The following CACNA1C variants were observed in gnomAD, a reference collection of about 807,000 sequenced individuals.
CACNA1C encodes the protein calcium voltage-gated channel subunit alpha1 C, also known as voltage-dependent L-type calcium channel subunit alpha-1C.
A neutral mutation model predicts 229.0 loss-of-function variants in CACNA1C; 30 were observed. That is an observed-to-expected ratio of 0.13 (90% CI 0.10 to 0.18). The LOEUF is 0.18. CACNA1C is among the 10% of genes least tolerant of loss of function. The pLI, the probability that CACNA1C is intolerant of heterozygous loss-of-function variation, is 1.00. For synonymous variants in CACNA1C, 1,114 were observed against 1,132.5 expected (o/e 0.98, Z 0.33); for missense variants, 1,658 against 2,845.0 (o/e 0.58, Z 9.49).
chr12:2,264,246 CA>C (rs1349031026), intron 3 of CACNA1C, among the ~76,000 whole-genome samples: 6 of 152,212 alleles, frequency 3.9e-5, no homozygotes, highest in African/African-American at 1.2e-4. Context: ...GCAAGGGCTC[CA>C]GGGGGCTCTC....
At chr12:2,260,492 A>G (rs958029528) in intron 3 of CACNA1C, among the ~76,000 whole-genome samples, 6 of 151,518 alleles carry the variant, frequency 4.0e-5, no homozygotes, top group Non-Finnish European at 8.8e-5. Flanking sequence ...AAAAAAAAAA[A>G]AAAGAACAAG....
At chr12:2,180,740 A>C (rs1011826418) in intron 3 of CACNA1C, among the ~76,000 whole-genome samples, 11 of 152,178 alleles carry the variant, frequency 7.2e-5, no homozygotes, top group African/African-American at 2.7e-4. Flanking sequence ...CTGGGGACCT[A>C]GAGTGAGTTG....
At chr12:2,310,826 C>T (rs1452876922) in intron 3 of CACNA1C, among the ~76,000 whole-genome samples, 2 of 152,210 alleles carry the variant, frequency 1.3e-5, no homozygotes, top group African/African-American at 4.8e-5. Context: ...TGCCGCAAGA[C>T]CCCCTTCCTA....
intron 3 of CACNA1C, among the ~76,000 whole-genome samples, chr12:2,247,937 C>A (rs866384737): frequency 6.6e-6 from 1 of 152,150 alleles, no homozygotes; most frequent in African/African-American, 2.4e-5. Flanking sequence ...TGGCTGAGAA[C>A]CTTTGTAAGC....
intron 3 of CACNA1C, among the ~76,000 whole-genome samples, chr12:2,188,234 G>A (rs925703534): frequency 1.3e-5 from 2 of 152,028 alleles, no homozygotes; most frequent in African/African-American, 2.4e-5. Context: ...CATCTACCTC[G>A]CACATCAAAT....
intron 2 of CACNA1C, among the ~76,000 whole-genome samples, chr12:2,117,081 C>T (rs2084251237): frequency 6.6e-6 from 1 of 152,106 alleles, no homozygotes; most frequent in African/African-American, 2.4e-5. Flanking sequence ...CCAGCCTGGC[C>T]AACATGAGGT....
chr12:2,651,330 C>G lies in CACNA1C; in HGVS notation c.3946-310C>G. The G allele has an allele frequency of 2.0e-6, 1 of 493,924 alleles. No individual in the cohort carries two copies. Among genetic ancestry groups the G allele is most frequent in the Middle Eastern group, 5.2e-4 (1 of 1,912 alleles). The allele number at this position is 493,924 out of a possible 1,614,324, so 30.6% of individuals were successfully genotyped here. ...GAAGATTCCAAAGCCTATGGTAGTT[C>G]CTGATGGAGTCGTCTGTCCTCCATC... On this transcript the variant is annotated intron_variant, in intron 31 of 46. Coordinates refer to ENST00000399655, the MANE Select transcript of CACNA1C (RefSeq NM_000719.7). The surrounding 1 kb of genome is among the most constrained non-coding windows in gnomAD (Gnocchi z 5.4).
rs112680750 is a variant in CACNA1C at position 2,120,656 on chromosome 12, C to CTGTGTGTGTGTG, written c.477+256_477+267dup. ...TATTCCAGTTAGGTGGTGGTGAGCT[C>CTGTGTGTGTGTG]TGTGTGTGTGTGTGTGTGTGTGTGT... is the stretch of plus-strand genomic sequence containing the variant. On this transcript the variant is annotated intron_variant, in intron 3 of 46. Coordinates refer to ENST00000399655, the MANE Select transcript of CACNA1C (RefSeq NM_000719.7). Among the ~76,000 whole-genome samples the CTGTGTGTGTGTG allele has an allele frequency of 2.3e-3, 326 of 139,844 alleles. 2 individuals are homozygous for CTGTGTGTGTGTG. Among genetic ancestry groups the CTGTGTGTGTGTG allele is most frequent in the African/African-American group, 7.4e-3 (272 of 36,812 alleles). The allele number at this position is 139,844 out of a possible 152,430, so 91.7% of individuals were successfully genotyped here.
At chr12:2,234,549 G>A (rs2066580146) in intron 3 of CACNA1C, among the ~76,000 whole-genome samples, 1 of 152,284 alleles carries the variant, frequency 6.6e-6, no homozygotes, top group East Asian at 1.9e-4. Flanking sequence ...CAACAGCCTG[G>A]AGCGTTCGCC....
In CACNA1C at chr12:2,488,143, G is replaced by A. The variant is rs1005450395; in HGVS notation, c.916+1881G>A. On this transcript the variant is annotated intron_variant, in intron 6 of 46. Transcript: ENST00000399655. This position sits in a 1 kb window ranked among gnomAD's most constrained non-coding sequence, Gnocchi z 4.0. ...GGCCCTGCTGTGCAATCAGAGGTCT[G>A]TGCACCACAGAGTAAGGAGAGGGGC... Among the ~76,000 whole-genome samples the A allele has an allele frequency of 1.3e-5, 2 of 152,200 alleles. No individual in the cohort carries two copies. Among genetic ancestry groups the A allele is most frequent in the Non-Finnish European group, 2.9e-5 (2 of 68,040 alleles).
At chr12:2,408,947 C>T (rs952663317) in intron 3 of CACNA1C, among the ~76,000 whole-genome samples, 3 of 152,190 alleles carry the variant, frequency 2.0e-5, no homozygotes, top group Admixed American at 6.5e-5. Context: ...GTGACATCCC[C>T]TTCCTCAATA....
intron 3 of CACNA1C, among the ~76,000 whole-genome samples, chr12:2,401,570 T>C (rs562940222): frequency 1.6e-4 from 25 of 152,304 alleles, no homozygotes; most frequent in Non-Finnish European, 2.6e-4. Context: ...GGGGCATCCA[T>C]GATGGTCAAG....
chr12:2,438,914 C>T (rs2099186488), intron 3 of CACNA1C, among the ~76,000 whole-genome samples: 1 of 152,086 alleles, frequency 6.6e-6, no homozygotes, highest in Admixed American at 6.6e-5. Flanking sequence ...AGTTTTAAGG[C>T]CACTGCTGCA....
chr12:2,669,359 C>T (rs2096424338), intron 38 of CACNA1C, among the ~76,000 whole-genome samples: 1 of 151,898 alleles, frequency 6.6e-6, no homozygotes, highest in African/African-American at 2.4e-5. Flanking sequence ...TTGCAAAATA[C>T]TCAATGTTTT....
intron 3 of CACNA1C, among the ~76,000 whole-genome samples, chr12:2,367,161 C>T (rs1439126535): frequency 6.6e-6 from 1 of 152,202 alleles, no homozygotes; most frequent in African/African-American, 2.4e-5. Context: ...TGAAGCTGTT[C>T]CACCTCAGAT....
chr12:2,426,383 C>T (rs1423568225), intron 3 of CACNA1C, among the ~76,000 whole-genome samples: 2 of 152,148 alleles, frequency 1.3e-5, no homozygotes, highest in Non-Finnish European at 2.9e-5. Context: ...GTGGCATAGA[C>T]AGTGAGTGCT....
At position 2,696,007 on chromosome 12, in the gene CACNA1C, TGCA is replaced by T; in HGVS notation, c.*4810_*4812del. On this transcript the variant is annotated 3_prime_UTR_variant, in exon 47 of 47. Transcript: ENST00000399655. ...GCACTGTATACACAGACAAGGAGGG[TGCA>T]GTAGAGTGACTCCCTTGGATGGAAG... 1 of 152,132 alleles carries T rather than the reference TGCA, an allele frequency of 6.6e-6. No homozygotes were observed. The highest frequency in any genetic ancestry group is 1.5e-5 in the Non-Finnish European group (1 of 68,064). 9.4% of individuals were successfully genotyped at this position (152,132 alleles called of 1,614,324 possible). A position where few individuals can be genotyped will look rare whatever the true frequency, so the allele number is the denominator to read the frequency against.
chr12:2,618,544 C>A (rs2153486872), intron 29 of CACNA1C, among the ~76,000 whole-genome samples: 1 of 152,356 alleles, frequency 6.6e-6, no homozygotes, highest in South Asian at 2.1e-4. Context: ...GCAGCCAGGG[C>A]TGAGGCAGTG....
intron 3 of CACNA1C, among the ~76,000 whole-genome samples, chr12:2,290,624 C>T (rs776076981): frequency 6.6e-6 from 1 of 152,130 alleles, no homozygotes; most frequent in Non-Finnish European, 1.5e-5. Context: ...TTGTACTGTC[C>T]ATGGACAGTG....
Sources: gnomAD v4.1 joint callset for allele counts (sites outside exome capture counted in the v4.1 genomes callset) on GRCh38, gnomAD v4.1.1 for gene constraint, Gnocchi (gnomAD v3.1) non-coding constraint, MANE v1.5 for transcripts, NCBI Gene and HGNC (gene_info 2026-07-23, HGNC 2026-07-21) for gene names.